Variants in RNF144B observed in about 807,000 individuals in gnomAD.
RNF144B encodes ring finger protein 144B.
A neutral mutation model predicts 40.2 loss-of-function variants in RNF144B; 25 were observed. The observed-to-expected ratio is 0.62, with a 90% confidence interval of 0.45 to 0.87. The LOEUF (loss-of-function observed/expected upper bound fraction) is 0.87. RNF144B is among the 40% of genes least tolerant of loss of function. RNF144B has a pLI of 0.00. For synonymous variants in RNF144B, 145 were observed against 136.3 expected, an observed-to-expected ratio of 1.06 and a Z score of -0.44; for missense variants, 365 against 373.7, an observed-to-expected ratio of 0.98 and a Z score of 0.19.
At chr6:18,417,230 C>A (rs1055142694) in intron 2 of RNF144B, among the ~76,000 whole-genome samples, 1 of 152,068 alleles carries the variant, frequency 6.6e-6, no homozygotes, top group Non-Finnish European at 1.5e-5. Flanking sequence ...CTAGGCTTAT[C>A]CCAAAATTCC....
intron 2 of RNF144B, among the ~76,000 whole-genome samples, chr6:18,420,225 A>G (rs1198635165): frequency 6.6e-6 from 1 of 152,006 alleles, no homozygotes; most frequent in Non-Finnish European, 1.5e-5. Flanking sequence ...CTGAAAATCT[A>G]AAGTCTAAAA....
intron 7 of RNF144B, 102 bp downstream of exon 7, chr6:18,463,482 T>G: frequency 1.4e-6 from 1 of 735,844 alleles, no homozygotes; most frequent in South Asian, 1.5e-5. Flanking sequence ...GGAGGTACCA[T>G]CCCAGCCTGG....
intron 2 of RNF144B, among the ~76,000 whole-genome samples, chr6:18,408,938 G>GTTTT (rs3078245): frequency 2.1e-5 from 3 of 143,972 alleles, no homozygotes; most frequent in East Asian, 2.0e-4. Flanking sequence ...CCAGAAAAGT[G>GTTTT]TTTTTTTTTT....
intron 2 of RNF144B, among the ~76,000 whole-genome samples, chr6:18,409,142 C>A (rs1161937797): frequency 6.6e-6 from 1 of 151,854 alleles, no homozygotes; most frequent in Non-Finnish European, 1.5e-5. Context: ...CTTTGGGAGG[C>A]CGAGGCGGGT....
chr6:18,399,114 C>G (rs1794746611), intron 1 of RNF144B, among the ~76,000 whole-genome samples: 2 of 152,150 alleles, frequency 1.3e-5, no homozygotes. Flanking sequence ...CTACTCTTGG[C>G]CATTTTCAAG....
chr6:18,432,964 G>A (rs1479899841), intron 3 of RNF144B, among the ~76,000 whole-genome samples: 1 of 152,174 alleles, frequency 6.6e-6, no homozygotes, highest in Non-Finnish European at 1.5e-5. Context: ...GGAGACCTGG[G>A]GTGGAGGTAT....
chr6:18,458,446 T>C lies in RNF144B; in HGVS notation c.536+1087T>C, dbSNP rs1759378731. 1.3e-5 allele frequency among the ~76,000 whole-genome samples: 2 copies of C among 152,320 alleles called. No individual in the cohort carries two copies. The highest frequency in any genetic ancestry group is 4.1e-4 in the South Asian group (2 of 4,830). The stretch of plus-strand genomic sequence containing the variant: ...TGCTACTTGGCTACGATGCTGTGCT[T>C]GAATCTCAGAACAAACAAATGGAGA... On this transcript the variant is annotated intron_variant, in intron 5 of 7. Transcript: ENST00000259939. The surrounding 1 kb of genome is among the most constrained non-coding windows in gnomAD (Gnocchi z 4.8).
At position 18,468,557 on chromosome 6, in the gene RNF144B, A is replaced by G. The variant is rs529202847; in HGVS notation, c.*3490A>G. ...TTTCTTAAAAATTATTCTGAATTAA[A>G]TGTATATTTCTTTAGCCTTCCCTAC... On this transcript the variant is annotated 3_prime_UTR_variant, in exon 8 of 8. Coordinates refer to ENST00000259939, the MANE Select transcript of RNF144B (RefSeq NM_182757.4). 3 of 152,052 alleles carry G rather than the reference A, an allele frequency of 2.0e-5. No homozygotes were observed. Among genetic ancestry groups the G allele is most frequent in the East Asian group, 1.9e-4 (1 of 5,176 alleles). 9.4% of individuals were successfully genotyped at this position (152,052 alleles called of 1,614,324 possible).
At chr6:18,427,793 G>T in intron 3 of RNF144B, 108 bp downstream of exon 3, 3 of 719,208 alleles carry the variant, frequency 4.2e-6, no homozygotes, top group South Asian at 1.9e-5. Context: ...AAAATACAGA[G>T]GTTAACTTTT....
chr6:18,396,639 T>C (rs1794699966), intron 1 of RNF144B: 2 of 985,338 alleles, frequency 2.0e-6, no homozygotes, highest in Non-Finnish European at 2.4e-6. Flanking sequence ...TTGTTTTACT[T>C]GGGATTTCTC....
At chr6:18,399,018 C>G (rs939997860) in intron 1 of RNF144B, among the ~76,000 whole-genome samples, 1 of 152,162 alleles carries the variant, frequency 6.6e-6, no homozygotes, top group African/African-American at 2.4e-5. Flanking sequence ...ATGTTTTGCT[C>G]TATGTATATA....
At position 18,446,688 on chromosome 6, in the gene RNF144B, A is replaced by G. The variant is rs899287189; in HGVS notation, c.331+6944A>G. 2.6e-5 allele frequency among the ~76,000 whole-genome samples: 4 copies of G among 152,156 alleles called. No individual in the cohort carries two copies. Among genetic ancestry groups the G allele is most frequent in the Admixed American group, 2.0e-4 (3 of 15,268 alleles). Reference sequence around the variant, plus strand: ...GTCAGTGATTGTCAGAGAAGGGTGAATGGATCTTCCAGGGATATTTGGTGA... The same window carrying G: ...GTCAGTGATTGTCAGAGAAGGGTGAGTGGATCTTCCAGGGATATTTGGTGA... On this transcript the variant is annotated intron_variant, in intron 4 of 7. Coordinates refer to ENST00000259939, the MANE Select transcript of RNF144B (RefSeq NM_182757.4). This position sits in a 1 kb window ranked among gnomAD's most constrained non-coding sequence, Gnocchi z 4.7.
In RNF144B at chr6:18,444,434, CTT is replaced by C. The variant is rs1457033702; in HGVS notation, c.331+4691_331+4692del. Among the ~76,000 whole-genome samples, 1 of 151,956 alleles carries C rather than the reference CTT, an allele frequency of 6.6e-6. No individual in the cohort carries two copies. Among genetic ancestry groups the C allele is most frequent in the Non-Finnish European group, 1.5e-5 (1 of 67,970 alleles). On this transcript the variant is annotated intron_variant, in intron 4 of 7. Transcript: ENST00000259939. This position sits in a 1 kb window ranked among gnomAD's most constrained non-coding sequence, Gnocchi z 4.3. Reference sequence around the variant, plus strand: ...ATTAATGCAAGAATTTTTCTTGCCTCTTGTTTCCAGAGTCTACTTTTTCAAAA... The same window carrying C: ...ATTAATGCAAGAATTTTTCTTGCCTCGTTTCCAGAGTCTACTTTTTCAAAA...
In RNF144B at chr6:18,459,677, A is replaced by C. The variant is rs1426090975; in HGVS notation, c.607A>C (p.Asn203His). 2 of 1,614,024 alleles carry C rather than the reference A, an allele frequency of 1.2e-6. No individual in the cohort carries two copies. The highest frequency in any genetic ancestry group is 1.7e-6 in the Non-Finnish European group (2 of 1,180,010). The change falls in exon 6 of 8, where the codon AAT (asparagine) becomes CAT (histidine). Residue 203 changes from asparagine (N) to histidine (H), a missense_variant. Transcript: ENST00000259939. This position sits in a 1 kb window ranked among gnomAD's most constrained non-coding sequence, Gnocchi z 4.2. Reference sequence around the variant, plus strand: ...AGTTTGCCGGGTTTATATCGAACGCAATGAAGGCTGCGCTCAGATGATGTG... The same window carrying C: ...AGTTTGCCGGGTTTATATCGAACGCCATGAAGGCTGCGCTCAGATGATGTG... ...CPVCRVYIERNEGCAQMMCKN... is the reference protein window; with the variant it reads ...CPVCRVYIERHEGCAQMMCKN...
chr6:18,403,214 A>T (rs559225061), intron 2 of RNF144B, among the ~76,000 whole-genome samples: 1 of 152,380 alleles, frequency 6.6e-6, no homozygotes, highest in South Asian at 2.1e-4. Context: ...TGTTAATTCA[A>T]GCGAAATAAA....
intron 3 of RNF144B, among the ~76,000 whole-genome samples, chr6:18,435,911 T>C (rs755474342): frequency 3.9e-4 from 59 of 151,270 alleles, no homozygotes; most frequent in Non-Finnish European, 8.4e-4. Context: ...TTAGGAGATA[T>C]ACCTAATGCT....
In RNF144B at chr6:18,457,700, T is replaced by C. The variant is rs1759362243; in HGVS notation, c.536+341T>C. On this transcript the variant is annotated intron_variant, in intron 5 of 7. Coordinates refer to ENST00000259939, the MANE Select transcript of RNF144B (RefSeq NM_182757.4). The surrounding 1 kb of genome is among the most constrained non-coding windows in gnomAD (Gnocchi z 5.1). ...TACAGTATCTGCCTGTATTGGTATA[T>C]ATCATTCTTGTTGCTTGCAAAATGA... Among the ~76,000 whole-genome samples, 1 of 152,192 alleles carries C rather than the reference T, an allele frequency of 6.6e-6. No homozygotes were observed. The highest frequency in any genetic ancestry group is 1.5e-5 in the Non-Finnish European group (1 of 68,030).
At chr6:18,429,895 T>G (rs1758655733) in intron 3 of RNF144B, among the ~76,000 whole-genome samples, 1 of 152,178 alleles carries the variant, frequency 6.6e-6, no homozygotes, top group South Asian at 2.1e-4. Context: ...GCTAGTGCTC[T>G]TCTTATGGAG....
intron 1 of RNF144B, chr6:18,396,323 A>G (rs929364821): frequency 2.4e-5 from 21 of 863,008 alleles, no homozygotes; most frequent in African/African-American, 9.1e-5. Flanking sequence ...ATGTCTTTCA[A>G]GAGTATCCAA....
Sources: allele counts gnomAD v4.1 joint callset (sites outside exome capture counted in the v4.1 genomes callset), GRCh38; gene constraint gnomAD v4.1.1; non-coding constraint Gnocchi (gnomAD v3.1); transcripts MANE v1.5; gene names NCBI Gene and HGNC (gene_info 2026-07-23, HGNC 2026-07-21).